RPUSD3: variants seen among roughly 807,000 people sequenced by gnomAD.
RPUSD3 encodes the protein mitochondrial mRNA pseudouridine synthase RPUSD3.
A neutral mutation model predicts 35.1 loss-of-function variants in RPUSD3; 36 were observed. That is an observed-to-expected ratio of 1.02 (90% CI 0.79 to 1.35). RPUSD3 has a LOEUF of 1.35. Ranked by LOEUF, RPUSD3 falls within the 40% of genes most tolerant of loss-of-function variation. The pLI is 0.00. For missense variants in RPUSD3, 486 were observed against 441.9 expected (o/e 1.10, Z -0.89); for synonymous variants, 202 against 187.8 (o/e 1.08, Z -0.62).
rs1359152485 is a variant in RPUSD3 at position 9,840,321 on chromosome 3, C to G, written c.601-14G>C. ...CACTGGAACTGTCTGTGGTGCCAGCCAAGAGTGAACAAGCCTTACACAGGT... is the reference window on the plus strand; with the variant it reads ...CACTGGAACTGTCTGTGGTGCCAGCGAAGAGTGAACAAGCCTTACACAGGT... On this transcript the variant is annotated splice_polypyrimidine_tract_variant and intron_variant, in intron 6 of 8. Coordinates refer to ENST00000383820, the Ensembl canonical transcript of RPUSD3. 1.9e-6 allele frequency: 3 copies of G among 1,614,118 alleles called. No individual in the cohort carries two copies. Among genetic ancestry groups the G allele is most frequent in the Admixed American group, 1.7e-5 (1 of 60,004 alleles).
intron 6 of RPUSD3, 71 bp downstream of exon 6, chr3:9,840,461 A>G (rs758589687): frequency 1.3e-6 from 2 of 1,591,160 alleles, no homozygotes; most frequent in East Asian, 4.5e-5. Context: ...TCCCAAATCC[A>G]TACCCCTGAC....
At chr3:9,840,425 GT>G in intron 6 of RPUSD3, 106 bp downstream of exon 6, 1 of 1,599,990 alleles carries the variant, frequency 6.3e-7, no homozygotes. Context: ...TCACTTGCCT[GT>G]TTTAGGGGAC....
chr3:9,840,066 G>A, intron 7 of RPUSD3, 118 bp downstream of exon 7: 1 of 1,352,388 alleles, frequency 7.4e-7, no homozygotes, highest in Non-Finnish European at 1.0e-6. Flanking sequence ...GTTTTTAGTT[G>A]AAACAGGGTT....
chr3:9,837,927 G>C, exon 9 of RPUSD3: 1 of 1,408,952 alleles, frequency 7.1e-7, no homozygotes, highest in Non-Finnish European at 9.5e-7. Flanking sequence ...CAAGTGGCCT[G>C]TCCAGGATGT....
chr3:9,840,238 G>T (rs767103943), exon 7 of RPUSD3: 1 of 1,614,128 alleles, frequency 6.2e-7, no homozygotes, highest in Admixed American at 1.7e-5. Context: ...GCTACCACAC[G>T]AAAGTGACTG....
At chr3:9,839,091 C>A in exon 8 of RPUSD3, 1 of 1,614,212 alleles carries the variant, frequency 6.2e-7, no homozygotes, top group South Asian at 1.1e-5. Flanking sequence ...AGGACAGTGC[C>A]CACACGGGCA....
intron 2 of RPUSD3, 80 bp downstream of exon 2, chr3:9,843,385 G>C: frequency 3.2e-6 from 5 of 1,579,786 alleles, no homozygotes; most frequent in Middle Eastern, 1.7e-4. Context: ...GGCTGATCCC[G>C]TGGCTTCAAT....
intron 2 of RPUSD3, chr3:9,842,671 C>T (rs959514614): frequency 6.8e-5 from 17 of 250,496 alleles, no homozygotes; most frequent in African/African-American, 3.3e-4. Flanking sequence ...AGAGCAGAAA[C>T]CATATCTATC....
At chr3:9,838,043 T>G in exon 9 of RPUSD3, 1 of 1,590,892 alleles carries the variant, frequency 6.3e-7, no homozygotes, top group Non-Finnish European at 8.6e-7. Context: ...CCAGGCACTG[T>G]AGGGTCCTGG....
At position 9,839,956 on chromosome 3, in the gene RPUSD3, T is replaced by C. The variant is rs370920506; in HGVS notation, c.724+228A>G. 399 of 428,020 alleles carry C rather than the reference T, an allele frequency of 9.3e-4. 6 individuals carry two copies. Among genetic ancestry groups the C allele is most frequent in the East Asian group, 8.7e-3 (180 of 20,804 alleles). 26.5% of individuals were successfully genotyped at this position (428,020 alleles called of 1,614,324 possible). The stretch of plus-strand genomic sequence containing the variant: ...AGTGCAGTGGCATGATCTTGGCTCA[T>C]TGCAACTTCTGCCTCCCAGGTTCAA... On this transcript the variant is annotated intron_variant, in intron 7 of 8. Coordinates refer to ENST00000383820, the Ensembl canonical transcript of RPUSD3.
chr3:9,841,013 A>G (rs2082095586), intron 4 of RPUSD3: 1 of 403,998 alleles, frequency 2.5e-6, no homozygotes, highest in Non-Finnish European at 4.4e-6. Flanking sequence ...CCCGGCCCCC[A>G]GGGAACTCAG....
intron 4 of RPUSD3, 33 bp downstream of exon 4, chr3:9,841,950 T>C (rs2082110190): frequency 6.4e-7 from 1 of 1,565,770 alleles, no homozygotes; most frequent in African/African-American, 1.4e-5. Context: ...TGGATGCCTG[T>C]ACTCCTAGCT....
At chr3:9,839,432 A>T in intron 7 of RPUSD3, 1 of 357,670 alleles carries the variant, frequency 2.8e-6, no homozygotes. Flanking sequence ...ACCGGGCCTA[A>T]GGACTGTTCT....
At chr3:9,840,501 G>A (rs369002269) in intron 6 of RPUSD3, 31 bp downstream of exon 6, 24 of 1,608,804 alleles carry the variant, frequency 1.5e-5, no homozygotes, top group Non-Finnish European at 1.9e-5. Flanking sequence ...ATATCTAGAA[G>A]CACCCCTCCT....
exon 3 of RPUSD3, chr3:9,842,236 T>A: frequency 3.1e-6 from 5 of 1,614,162 alleles, no homozygotes; most frequent in Non-Finnish European, 3.4e-6. Context: ...TCAACGTCAC[T>A]AGAGGTCCTG....
chr3:9,841,108 C>CA (rs370269295), intron 4 of RPUSD3: 87 of 203,334 alleles, frequency 4.3e-4, no homozygotes, highest in African/African-American at 1.1e-3. Flanking sequence ...AAGTTCTCTA[C>CA]AAAAAAGCTC....
Position 9,840,088 on chromosome 3 carries a change from G to T in RPUSD3, c.724+96C>A, listed in dbSNP as rs2125023866. On this transcript the variant is annotated intron_variant, in intron 7 of 8. Transcript: ENST00000383820. Reference sequence around the variant, plus strand: ...GTTGAAACAGGGTTTCACCATCTTGGCCAGACTGGTCTTGAACTCCTGACC... The same window carrying T: ...GTTGAAACAGGGTTTCACCATCTTGTCCAGACTGGTCTTGAACTCCTGACC... 7.4e-6 allele frequency: 11 copies of T among 1,486,140 alleles called. No homozygotes were observed. The South Asian group carries it at 1.4e-4, about 19-fold the overall frequency. The allele number at this position is 1,486,140 out of a possible 1,614,324, so 92.1% of individuals were successfully genotyped here. A position where few individuals can be genotyped will look rare whatever the true frequency, so the allele number is the denominator to read the frequency against.
At chr3:9,840,023 G>C in intron 7 of RPUSD3, 161 bp downstream of exon 7, 2 of 805,808 alleles carry the variant, frequency 2.5e-6, no homozygotes, top group Non-Finnish European at 3.7e-6. Context: ...TGGTTTTACA[G>C]GCGCCTGCCA....
At chr3:9,844,000 C>G in exon 1 of RPUSD3, 1 of 1,589,492 alleles carries the variant, frequency 6.3e-7, no homozygotes, top group Non-Finnish European at 8.5e-7. Context: ...TCTCCCGAGC[C>G]AGGACAGCGC....
Sources: gnomAD v4.1 joint callset for allele counts on GRCh38, gnomAD v4.1.1 for gene constraint, MANE v1.5 for transcripts, NCBI Gene and HGNC (gene_info 2026-07-23, HGNC 2026-07-21) for gene names.